The following VTI1A variants were observed in gnomAD, a reference collection of about 807,000 sequenced individuals.
VTI1A encodes vesicle transport through interaction with t-SNAREs 1A.
Under a neutral mutation model 34.9 loss-of-function variants are expected in VTI1A, and 22 were observed. That is an observed-to-expected ratio of 0.63 (90% CI 0.45 to 0.90). The LOEUF is 0.90. Ranked by LOEUF, VTI1A falls within the 40% of genes least tolerant of loss-of-function variation. The pLI, the probability that VTI1A is intolerant of heterozygous loss-of-function variation, is 0.00. For synonymous variants in VTI1A, 87 were observed against 97.3 expected, an observed-to-expected ratio of 0.89 and a Z score of 0.62; for missense variants, 268 against 275.6, an observed-to-expected ratio of 0.97 and a Z score of 0.20.
chr10:112,801,895 T>C (rs1852890238), intron 7 of VTI1A, among the ~76,000 whole-genome samples: 1 of 152,232 alleles, frequency 6.6e-6, no homozygotes, highest in African/African-American at 2.4e-5. Context: ...GTATTTACAT[T>C]AGGCACTAAG....
chr10:112,528,099 A>C (rs1850301697), intron 4 of VTI1A, among the ~76,000 whole-genome samples: 1 of 152,166 alleles, frequency 6.6e-6, no homozygotes, highest in Non-Finnish European at 1.5e-5. Context: ...CAAGTAGTAT[A>C]AAAGTCTCTA....
intron 7 of VTI1A, among the ~76,000 whole-genome samples, chr10:112,695,809 G>A (rs548881500): frequency 5.3e-5 from 8 of 152,254 alleles, no homozygotes; most frequent in African/African-American, 1.4e-4. Context: ...GGCTTTTTAC[G>A]CCACACGTGA....
chr10:112,533,870 A>T (rs1382270091), intron 4 of VTI1A, among the ~76,000 whole-genome samples: 1 of 152,122 alleles, frequency 6.6e-6, no homozygotes, highest in African/African-American at 2.4e-5. Context: ...GTAGGCTGTA[A>T]CTTCAAGTTT....
chr10:112,743,130 G>T lies in VTI1A; in HGVS notation c.561-72160G>T, dbSNP rs551892988. On this transcript the variant is annotated intron_variant, in intron 7 of 7. Transcript: ENST00000393077. ...TATATACAAAGATAATACCATTTAC[G>T]CTTTCCAGGTCTAGAATATGACAAG... 1.4e-4 allele frequency among the ~76,000 whole-genome samples: 21 copies of T among 149,948 alleles called. 1 individual carries two copies. Among genetic ancestry groups the T allele is most frequent in the African/African-American group, 4.6e-4 (19 of 40,992 alleles).
intron 7 of VTI1A, among the ~76,000 whole-genome samples, chr10:112,808,231 A>T (rs1853155351): frequency 6.6e-6 from 1 of 151,990 alleles, no homozygotes; most frequent in Non-Finnish European, 1.5e-5. Flanking sequence ...AAAATAAAAA[A>T]TAAAAAGGAC....
At chr10:112,463,541 A>C (rs1332738968) in intron 2 of VTI1A, among the ~76,000 whole-genome samples, 1 of 152,068 alleles carries the variant, frequency 6.6e-6, no homozygotes, top group African/African-American at 2.4e-5. Flanking sequence ...TTCAAAGCCT[A>C]TGCCTAAACC....
rs891165076 is a variant in VTI1A at position 112,465,698 on chromosome 10, G to A, written c.264+1041G>A. On this transcript the variant is annotated intron_variant, in intron 3 of 7. Coordinates refer to ENST00000393077, the MANE Select transcript of VTI1A (RefSeq NM_145206.4). Reference sequence around the variant, plus strand: ...AGAAAGTAGAATGGTAGTTACCGGGGACTTGAGGGGAGGGAGAAATGGAGA... The same window carrying A: ...AGAAAGTAGAATGGTAGTTACCGGGAACTTGAGGGGAGGGAGAAATGGAGA... 2.6e-5 allele frequency among the ~76,000 whole-genome samples: 4 copies of A among 152,148 alleles called. No individual in the cohort carries two copies. The East Asian group carries it at 7.7e-4, about 29-fold the overall frequency.
chr10:112,721,787 C>T (rs1352535453), intron 7 of VTI1A, among the ~76,000 whole-genome samples: 3 of 151,340 alleles, frequency 2.0e-5, no homozygotes, highest in Non-Finnish European at 2.9e-5. Context: ...TAATTTTGAA[C>T]CCATATAAAG....
chr10:112,447,700 C>G (rs1416437302), intron 1 of VTI1A, among the ~76,000 whole-genome samples: 2 of 152,162 alleles, frequency 1.3e-5, no homozygotes, highest in African/African-American at 2.4e-5. Context: ...AATCCCGGCT[C>G]TACCTTCTTG....
intron 7 of VTI1A, among the ~76,000 whole-genome samples, chr10:112,765,832 C>T (rs886396186): frequency 6.6e-6 from 1 of 152,192 alleles, no homozygotes; most frequent in African/African-American, 2.4e-5. Context: ...GGCCCTACCC[C>T]AGAGTTTCTG....
intron 4 of VTI1A, among the ~76,000 whole-genome samples, chr10:112,534,442 G>C (rs1228923370): frequency 6.6e-6 from 1 of 152,012 alleles, no homozygotes; most frequent in Non-Finnish European, 1.5e-5. Flanking sequence ...GTATAGAGTA[G>C]TATGAATTAC....
At chr10:112,686,654 C>G (rs1848426645) in intron 7 of VTI1A, among the ~76,000 whole-genome samples, 2 of 152,096 alleles carry the variant, frequency 1.3e-5, no homozygotes, top group South Asian at 2.1e-4. Flanking sequence ...GGCAGGATTT[C>G]GGGGGCCATT....
Position 112,447,473 on chromosome 10 carries a change from A to G in VTI1A, c.94+6A>G, listed in dbSNP as rs755760485. On this transcript the variant is annotated splice_donor_region_variant and intron_variant, in intron 1 of 7. Coordinates refer to ENST00000393077, the MANE Select transcript of VTI1A (RefSeq NM_145206.4). ...GGTCCCACGACTCCCGCCTGGTGAGAGCCTTGCCCGGCTGGACGAGGGTGC... is the reference window on the plus strand; with the variant it reads ...GGTCCCACGACTCCCGCCTGGTGAGGGCCTTGCCCGGCTGGACGAGGGTGC... 6.2e-7 allele frequency: 1 copy of G among 1,612,906 alleles called. No homozygotes were observed. Among genetic ancestry groups the G allele is most frequent in the South Asian group, 1.1e-5 (1 of 90,976 alleles).
chr10:112,664,296 C>T (rs1847566917), intron 5 of VTI1A, among the ~76,000 whole-genome samples: 1 of 152,118 alleles, frequency 6.6e-6, no homozygotes, highest in Admixed American at 6.5e-5. Flanking sequence ...TCCCTTTCAG[C>T]CAGTTTATAA....
intron 3 of VTI1A, 42 bp from the exon 4 acceptor site, chr10:112,527,045 T>C (rs1850254409): frequency 6.3e-7 from 1 of 1,599,540 alleles, no homozygotes; most frequent in Non-Finnish European, 8.5e-7. Context: ...TTTTACTTTC[T>C]AACGTTCCTC....
chr10:112,703,875 A>G (rs973110220), intron 7 of VTI1A, among the ~76,000 whole-genome samples: 3 of 152,222 alleles, frequency 2.0e-5, no homozygotes, highest in Non-Finnish European at 4.4e-5. Flanking sequence ...TAATAATGAA[A>G]GTTATTCAAG....
chr10:112,804,628 C>A (rs1852999047), intron 7 of VTI1A, among the ~76,000 whole-genome samples: 1 of 152,088 alleles, frequency 6.6e-6, no homozygotes, highest in African/African-American at 2.4e-5. Flanking sequence ...ACACATTGTC[C>A]CGGCCCTGGC....
chr10:112,839,772 G>T, the VTI1A span, among the ~76,000 whole-genome samples: 2 of 152,150 alleles, frequency 1.3e-5, no homozygotes, highest in Non-Finnish European at 2.9e-5. Flanking sequence ...CTAAGGCAAA[G>T]CAGGGCCACT....
chr10:112,745,044 C>A (rs1350226601), intron 7 of VTI1A, among the ~76,000 whole-genome samples: 1 of 152,056 alleles, frequency 6.6e-6, no homozygotes, highest in Non-Finnish European at 1.5e-5. Context: ...ACTACAGGCA[C>A]CATAAAATGC....
Sources: allele counts gnomAD v4.1 joint callset (sites outside exome capture counted in the v4.1 genomes callset), GRCh38; gene constraint gnomAD v4.1.1; transcripts MANE v1.5; gene names NCBI Gene and HGNC (gene_info 2026-07-23, HGNC 2026-07-21).